MECR: variants seen among roughly 807,000 people sequenced by gnomAD.
MECR encodes the protein enoyl-[acyl-carrier-protein] reductase, mitochondrial.
MECR carries 37 observed loss-of-function variants against 49.1 expected under a neutral mutation model. The ratio of observed to expected loss-of-function variants is 0.75; its 90% CI spans 0.58 to 0.99. The LOEUF (loss-of-function observed/expected upper bound fraction) is 0.99. Ranked by LOEUF, MECR falls within the 50% of genes least tolerant of loss-of-function variation. The probability of loss-of-function intolerance (pLI) is 0.00; values close to 1 mark genes in which losing one functional copy is unlikely to be tolerated. For missense variants in MECR, 470 were observed against 479.6 expected, an observed-to-expected ratio of 0.98 and a Z score of 0.19; for synonymous variants, 198 against 191.1, an observed-to-expected ratio of 1.04 and a Z score of -0.30.
chr1:29,191,036 G>A (rs985260875), downstream of MECR, among the ~76,000 whole-genome samples: 5 of 152,092 alleles, frequency 3.3e-5, no homozygotes, highest in African/African-American at 7.2e-5. Flanking sequence ...TGCTCTCTTC[G>A]TCTGTAATGC....
intron 1 of MECR, among the ~76,000 whole-genome samples, chr1:29,226,167 TAAAAAAAAA>T (rs57234529): frequency 3.8e-4 from 17 of 44,400 alleles, no homozygotes; most frequent in South Asian, 1.1e-3. Flanking sequence ...AGGCTCTATC[TAAAAAAAAA>T]AAAAAAAAAA....
In MECR at chr1:29,193,916, G is replaced by A. The variant is rs1158125537; in HGVS notation, c.*106C>T. On this transcript the variant is annotated 3_prime_UTR_variant, in exon 10 of 10. Coordinates refer to ENST00000263702, the MANE Select transcript of MECR (RefSeq NM_016011.5). ...CATCCTCCTAATAGGAAGAGGCAGT[G>A]AGGAGAACAGTAGTCTGGGGAAGGT... 3.7e-6 allele frequency: 5 copies of A among 1,354,708 alleles called. No homozygotes were observed. In the East Asian group the frequency reaches 1.1e-4, roughly 31 times the overall value. 83.9% of individuals were successfully genotyped at this position (1,354,708 alleles called of 1,614,324 possible).
At chr1:29,194,351 T>C (rs375919673) in intron 9 of MECR, among the ~76,000 whole-genome samples, 172 bp from the exon 10 acceptor site, 174 of 152,166 alleles carry the variant, frequency 1.1e-3, no homozygotes, top group Non-Finnish European at 2.0e-3. Flanking sequence ...CCTGCCTGTC[T>C]TTAGGACAGT....
At position 29,213,587 on chromosome 1, in the gene MECR, C is replaced by T. The variant is rs186172526; in HGVS notation, c.406+2418G>A. Among the ~76,000 whole-genome samples, 138 of 152,326 alleles carry T rather than the reference C, an allele frequency of 9.1e-4. 1 individual carries two copies. The highest frequency in any genetic ancestry group is 3.4e-3 in the Middle Eastern group (1 of 294). On this transcript the variant is annotated intron_variant, in intron 3 of 9. Coordinates refer to ENST00000263702, the MANE Select transcript of MECR (RefSeq NM_016011.5). Reference sequence around the variant, plus strand: ...GGATGGGCAAGGCCCATTCAGGGCCCTTCTGGGGGATGGATATGGTTGTGC... The same window carrying T: ...GGATGGGCAAGGCCCATTCAGGGCCTTTCTGGGGGATGGATATGGTTGTGC...
the MECR span, among the ~76,000 whole-genome samples, chr1:29,174,398 G>C: frequency 2.0e-5 from 3 of 152,262 alleles, no homozygotes; most frequent in Middle Eastern, 3.4e-3. Context: ...ATATTCAACA[G>C]TATTATACAT....
At chr1:29,227,305 G>C (rs902215592) in intron 1 of MECR, among the ~76,000 whole-genome samples, 1 of 152,176 alleles carries the variant, frequency 6.6e-6, no homozygotes, top group Non-Finnish European at 1.5e-5. Context: ...CTAGAACTCT[G>C]CACAAGGGAC....
chr1:29,195,996 C>T lies in MECR; in HGVS notation c.909G>A (p.Lys303=), dbSNP rs765133153. Residue 303 remains lysine, a synonymous_variant, in exon 9 of 10, where the codon AAG becomes AAA. Coordinates refer to ENST00000263702, the MANE Select transcript of MECR (RefSeq NM_016011.5). ...ACCAAAAGCCTCGAAGTTTGAGATC[C>T]TTAAAAATGAGCAGGCTCTGCAGAC... The part of the protein sequence containing the change: ...VVASVSLLIF[K]DLKLRGFWLS... The T allele has an allele frequency of 6.2e-7, 1 of 1,614,220 alleles. No individual in the cohort carries two copies. Among genetic ancestry groups the T allele is most frequent in the South Asian group, 1.1e-5 (1 of 91,084 alleles).
chr1:29,178,151 C>T, the MECR span, among the ~76,000 whole-genome samples: 28 of 151,678 alleles, frequency 1.8e-4, no homozygotes, highest in Admixed American at 3.9e-4. Context: ...CCACCTACCT[C>T]GGCCTCCCAA....
chr1:29,170,961 GGA>G, the MECR span: 1 of 152,058 alleles, frequency 6.6e-6, no homozygotes, highest in East Asian at 1.9e-4. Flanking sequence ...CTTTAGCCTG[GGA>G]GACTTTCATC....
the MECR span, chr1:29,172,841 A>G: frequency 2.0e-5 from 3 of 152,222 alleles, no homozygotes; most frequent in African/African-American, 2.4e-5. Context: ...AGGGTTACTT[A>G]TAACAGCAAG....
In MECR at chr1:29,193,967, C is replaced by CCCAGCCCCTCAGAT. The variant is rs1403423331; in HGVS notation, c.*41_*54dup. 4.9e-5 allele frequency: 79 copies of CCCAGCCCCTCAGAT among 1,598,316 alleles called. No homozygotes were observed. In the African/African-American group the frequency reaches 9.8e-4, roughly 20 times the overall value. ...GGGAGCCCCAACTGAGGGGCCTGCA[C>CCCAGCCCCTCAGAT]CCAGCCCCTCAGATCCGCCTCCCCT... On this transcript the variant is annotated 3_prime_UTR_variant, in exon 10 of 10. Coordinates refer to ENST00000263702, the MANE Select transcript of MECR (RefSeq NM_016011.5).
chr1:29,194,991 C>T (rs77844762), intron 9 of MECR, among the ~76,000 whole-genome samples: 1 of 152,056 alleles, frequency 6.6e-6, no homozygotes. Context: ...TGGCGTGTGC[C>T]TGTGGTCCTA....
the MECR span, chr1:29,181,996 G>T: frequency 2.9e-6 from 1 of 350,492 alleles, no homozygotes; most frequent in Admixed American, 5.0e-5. Context: ...GCCAGGACTG[G>T]GGGAGGAGCT....
chr1:29,195,400 A>T (rs1164493495), intron 9 of MECR, among the ~76,000 whole-genome samples: 1 of 152,154 alleles, frequency 6.6e-6, no homozygotes, highest in Non-Finnish European at 1.5e-5. Context: ...CGCTCTGGGG[A>T]GCCAGTCCTC....
At position 29,202,001 on chromosome 1, in the gene MECR, G is replaced by C. The variant is rs1354492167; in HGVS notation, c.698C>G (p.Ala233Gly). 3 of 1,614,152 alleles carry C rather than the reference G, an allele frequency of 1.9e-6. No homozygotes were observed. The highest frequency in any genetic ancestry group is 2.5e-6 in the Non-Finnish European group (3 of 1,180,022). Residue 233 changes from alanine (A) to glycine (G), a missense_variant, in exon 6 of 10, where the codon GCT becomes GGT. Coordinates refer to ENST00000263702, the MANE Select transcript of MECR (RefSeq NM_016011.5). The stretch of plus-strand genomic sequence containing the variant: ...CTCCTCTTCTGTGATGACATGCTCA[G>C]CCCCCAGACTCTTCAGTCTGTCACT... ...KLSDRLKSLG[A>G]EHVITEEELR...
Position 29,201,617 on chromosome 1 carries a change from T to C in MECR, c.756+326A>G, listed in dbSNP as rs911725174. The C allele has an allele frequency of 4.1e-6, 2 of 482,888 alleles. No homozygotes were observed. The highest frequency in any genetic ancestry group is 7.8e-6 in the Non-Finnish European group (2 of 257,766). 29.9% of individuals were successfully genotyped at this position (482,888 alleles called of 1,614,324 possible). A position where few individuals can be genotyped will look rare whatever the true frequency, so the allele number is the denominator to read the frequency against. On this transcript the variant is annotated intron_variant, in intron 6 of 9. Transcript: ENST00000263702. This position sits in a 1 kb window ranked among gnomAD's most constrained non-coding sequence, Gnocchi z 4.3. Reference sequence around the variant, plus strand: ...GGAAAGGTTACTTCTTTTCTTTCTCTTTCTGTGTCTCTGTTTCCTCAGGTC... The same window carrying C: ...GGAAAGGTTACTTCTTTTCTTTCTCCTTCTGTGTCTCTGTTTCCTCAGGTC...
chr1:29,225,277 C>T (rs1681773475), intron 1 of MECR, among the ~76,000 whole-genome samples: 2 of 152,112 alleles, frequency 1.3e-5, no homozygotes, highest in Admixed American at 1.3e-4. Context: ...ATCACACACA[C>T]CATGTTTTCT....
the MECR span, chr1:29,170,117 T>C: frequency 2.0e-4 from 30 of 152,202 alleles, no homozygotes; most frequent in African/African-American, 6.8e-4. Flanking sequence ...TACAATCATC[T>C]GTGTCCATTT....
Position 29,201,303 on chromosome 1 carries a change from T to C in MECR, c.756+640A>G. 2.0e-6 allele frequency: 1 copy of C among 488,626 alleles called. No individual in the cohort carries two copies. The highest frequency in any genetic ancestry group is 4.1e-6 in the Non-Finnish European group (1 of 242,984). 30.3% of individuals were successfully genotyped at this position (488,626 alleles called of 1,614,324 possible). On this transcript the variant is annotated intron_variant, in intron 6 of 9. Transcript: ENST00000263702. The surrounding 1 kb of genome is among the most constrained non-coding windows in gnomAD (Gnocchi z 4.3). ...TTCAGAAATGTTCGCAAGAAGCGCA[T>C]GCTCTTGAGTGTGTGTCTTTGGTTC... is the stretch of plus-strand genomic sequence containing the variant.
Sources: gnomAD v4.1 joint callset for allele counts (sites outside exome capture counted in the v4.1 genomes callset) on GRCh38, gnomAD v4.1.1 for gene constraint, Gnocchi (gnomAD v3.1) non-coding constraint, MANE v1.5 for transcripts, NCBI Gene and HGNC (gene_info 2026-07-23, HGNC 2026-07-21) for gene names.